KMT2C: variants seen among roughly 807,000 people sequenced by gnomAD.
KMT2C encodes histone-lysine N-methyltransferase 2C.
Under a neutral mutation model 507.9 loss-of-function variants are expected in KMT2C, and 88 were observed. The ratio of observed to expected loss-of-function variants is 0.17; its 90% CI spans 0.15 to 0.21. The LOEUF is 0.21. Ranked by LOEUF, KMT2C falls within the 10% of genes least tolerant of loss-of-function variation. The pLI is 1.00. For synonymous variants in KMT2C, 2,049 were observed against 2,080.8 expected (o/e 0.98, Z 0.42); for missense variants, 4,954 against 5,957.8 (o/e 0.83, Z 5.55).
intron 1 of KMT2C, among the ~76,000 whole-genome samples, chr7:152,429,052 C>T (rs2097845910): frequency 6.6e-6 from 1 of 152,124 alleles, no homozygotes; most frequent in African/African-American, 2.4e-5. Context: ...ATTTCATTCA[C>T]ATTGCTCCCT....
rs1397489291 is a variant in KMT2C, at chr7:152,194,144, A to G, written c.4541-16T>C. ...CCGCCAAGCTCTAGGAGATAAAACA[A>G]TAATAGTAACAAGATTAAAAGACTA... On this transcript the variant is annotated splice_polypyrimidine_tract_variant and intron_variant, in intron 30 of 58. Coordinates refer to ENST00000262189, the MANE Select transcript of KMT2C (RefSeq NM_170606.3). The G allele has an allele frequency of 9.6e-6, 15 of 1,567,308 alleles. No homozygotes were observed. Among genetic ancestry groups the G allele is most frequent in the African/African-American group, 4.2e-5 (3 of 72,252 alleles).
rs113756891 is a variant in KMT2C at position 152,338,762 on chromosome 7, G to A, written c.251-8023C>T. ...ATGTGCTCTTTTCACTACTTCCACC[G>A]CCTGGCAGAGCATCAAAGTGTAGCA... On this transcript the variant is annotated intron_variant, in intron 2 of 58. Coordinates refer to ENST00000262189, the MANE Select transcript of KMT2C (RefSeq NM_170606.3). Among the ~76,000 whole-genome samples, 826 of 152,244 alleles carry A rather than the reference G, an allele frequency of 5.4e-3. 5 individuals are homozygous for A. The highest frequency in any genetic ancestry group is 9.0e-3 in the Non-Finnish European group (612 of 68,012).
intron 3 of KMT2C, among the ~76,000 whole-genome samples, chr7:152,329,294 G>A (rs1289270121): frequency 6.6e-6 from 1 of 152,166 alleles, no homozygotes; most frequent in Non-Finnish European, 1.5e-5. Flanking sequence ...GTCAGGTGCA[G>A]TGGTTCATGC....
intron 16 of KMT2C, among the ~76,000 whole-genome samples, chr7:152,230,775 G>A (rs902650578): frequency 2.0e-5 from 3 of 152,034 alleles, no homozygotes; most frequent in Non-Finnish European, 4.4e-5. Flanking sequence ...TAGATATATC[G>A]GTCGAAATGG....
chr7:152,250,972 C>G lies in KMT2C; in HGVS notation c.1622-6G>C. On this transcript the variant is annotated splice_polypyrimidine_tract_variant and splice_region_variant and intron_variant, in intron 11 of 58. Transcript: ENST00000262189. ...TTCCATTTCATTGTTATAATCTTAACAAAAAATTATTAATTCTTTAGCTCA... is the reference window on the plus strand; with the variant it reads ...TTCCATTTCATTGTTATAATCTTAAGAAAAAATTATTAATTCTTTAGCTCA... The G allele has an allele frequency of 6.8e-7, 1 of 1,472,348 alleles. No homozygotes were observed. Among genetic ancestry groups the G allele is most frequent in the Non-Finnish European group, 9.5e-7 (1 of 1,054,632 alleles). 91.2% of individuals were successfully genotyped at this position (1,472,348 alleles called of 1,614,324 possible). A position where few individuals can be genotyped will look rare whatever the true frequency, so the allele number is the denominator to read the frequency against.
At chr7:152,194,709 C>CAT in intron 28 of KMT2C, 141 bp from the exon 29 acceptor site, 1 of 549,998 alleles carries the variant, frequency 1.8e-6, no homozygotes, top group Admixed American at 3.4e-5. Context: ...TCAGAATTCT[C>CAT]ATATCAATTT....
At chr7:152,178,822 AAAGAACTAT>A in intron 37 of KMT2C, among the ~76,000 whole-genome samples, 1 of 152,334 alleles carries the variant, frequency 6.6e-6, no homozygotes, top group South Asian at 2.1e-4. Flanking sequence ...AGCATATCTT[AAAGAACTAT>A]TTCCTTATTA....
intron 48 of KMT2C, 104 bp from the exon 49 acceptor site, chr7:152,153,058 T>C: frequency 7.2e-7 from 1 of 1,384,672 alleles, no homozygotes; most frequent in Non-Finnish European, 9.8e-7. Context: ...GATACATAGA[T>C]TCTAAGAAAA....
At chr7:152,215,513 CAAAAAAAAAAAAAAAA>C (rs35751147) in intron 23 of KMT2C, among the ~76,000 whole-genome samples, 9 of 25,954 alleles carry the variant, frequency 3.5e-4, no homozygotes, top group South Asian at 3.6e-3. Context: ...GACTCTGTCT[CAAAAAAAAAAAAAAAA>C]AAAAAAAAAA....
At chr7:152,288,191 A>G (rs1447821629) in intron 6 of KMT2C, among the ~76,000 whole-genome samples, 1 of 150,806 alleles carries the variant, frequency 6.6e-6, no homozygotes, top group Non-Finnish European at 1.5e-5. Flanking sequence ...AATGGGAGAG[A>G]TTACCCAACC....
At chr7:152,343,450 G>GGGA (rs570359604) in intron 2 of KMT2C, among the ~76,000 whole-genome samples, 1 of 72,462 alleles carries the variant, frequency 1.4e-5, no homozygotes, top group African/African-American at 4.6e-5. Context: ...AAAAGACTGG[G>GGGA]AAAAAAAAAA....
At chr7:152,384,025 G>A (rs955925455) in intron 1 of KMT2C, among the ~76,000 whole-genome samples, 4 of 150,702 alleles carry the variant, frequency 2.7e-5, no homozygotes, top group Non-Finnish European at 4.4e-5. Flanking sequence ...AAGGAGATCC[G>A]AGAGGCAGAC....
intron 15 of KMT2C, among the ~76,000 whole-genome samples, chr7:152,237,721 G>A (rs141695041): frequency 2.0e-5 from 3 of 152,056 alleles, no homozygotes; most frequent in East Asian, 3.9e-4. Flanking sequence ...GGTTGGCCTC[G>A]AACTCCTGAC....
intron 55 of KMT2C, among the ~76,000 whole-genome samples, chr7:152,141,961 G>A (rs1359521785): frequency 6.6e-6 from 1 of 152,124 alleles, no homozygotes; most frequent in Non-Finnish European, 1.5e-5. Context: ...GATCGAAGCT[G>A]CAGTGAGCTG....
intron 2 of KMT2C, among the ~76,000 whole-genome samples, chr7:152,338,142 G>A (rs2096955651): frequency 6.6e-6 from 1 of 152,188 alleles, no homozygotes; most frequent in Admixed American, 6.5e-5. Flanking sequence ...ACAGGCATGA[G>A]CCACCGTGCC....
At chr7:152,215,527 A>C (rs1009397238) in intron 23 of KMT2C, among the ~76,000 whole-genome samples, 1 of 149,078 alleles carries the variant, frequency 6.7e-6, no homozygotes, top group African/African-American at 2.5e-5. Context: ...AAAAAAAAAA[A>C]AAAAAAAAAA....
chr7:152,145,326 C>T, intron 53 of KMT2C, 31 bp from the exon 54 acceptor site: 9 of 1,609,082 alleles, frequency 5.6e-6, no homozygotes, highest in Non-Finnish European at 7.6e-6. Flanking sequence ...CACAAAGTCA[C>T]CCCATCTGAT....
At chr7:152,278,104 T>G (rs914814144) in intron 6 of KMT2C, among the ~76,000 whole-genome samples, 1 of 152,060 alleles carries the variant, frequency 6.6e-6, no homozygotes, top group Non-Finnish European at 1.5e-5. Flanking sequence ...GTTTGGGTCA[T>G]GGGGGCAAAT....
At chr7:152,310,706 G>T (rs1049397526) in intron 5 of KMT2C, among the ~76,000 whole-genome samples, 1 of 152,006 alleles carries the variant, frequency 6.6e-6, no homozygotes, top group Non-Finnish European at 1.5e-5. Context: ...TTGAGACAGG[G>T]TCTCACTTTT....
Sources: gnomAD v4.1 joint callset for allele counts (sites outside exome capture counted in the v4.1 genomes callset) on GRCh38, gnomAD v4.1.1 for gene constraint, MANE v1.5 for transcripts, NCBI Gene and HGNC (gene_info 2026-07-23, HGNC 2026-07-21) for gene names.